Variants in TSPAN5 observed in about 807,000 individuals in gnomAD.
TSPAN5 encodes the protein tetraspanin-5.
A neutral mutation model predicts 37.1 loss-of-function variants in TSPAN5; 10 were observed. The ratio of observed to expected loss-of-function variants is 0.27; its 90% CI spans 0.17 to 0.46. The LOEUF (loss-of-function observed/expected upper bound fraction) is 0.46. TSPAN5 is among the 20% of genes least tolerant of loss of function. The probability of loss-of-function intolerance (pLI) is 1.00; values close to 1 mark genes in which losing one functional copy is unlikely to be tolerated. For missense variants in TSPAN5, 195 were observed against 326.6 expected (o/e 0.60, Z 3.11); for synonymous variants, 110 against 118.9 (o/e 0.93, Z 0.48).
chr4:98,560,077 G>A (rs1179869308), intron 1 of TSPAN5: 4 of 152,170 alleles, frequency 2.6e-5, no homozygotes, highest in African/African-American at 4.8e-5. Flanking sequence ...TATTTTGTTT[G>A]TCTCCAAGTA....
intron 7 of TSPAN5, among the ~76,000 whole-genome samples, chr4:98,473,325 C>G (rs1752626355): frequency 6.6e-6 from 1 of 152,234 alleles, no homozygotes; most frequent in East Asian, 1.9e-4. Flanking sequence ...TCTCCACATC[C>G]TTGCCGATAC....
At chr4:98,571,543 A>G (rs1029895158) in intron 1 of TSPAN5, among the ~76,000 whole-genome samples, 1 of 150,510 alleles carries the variant, frequency 6.6e-6, no homozygotes, top group Non-Finnish European at 1.5e-5. Context: ...CATTTTTATT[A>G]TACCATTCTG....
At chr4:98,534,686 GA>G (rs562314189) in intron 1 of TSPAN5, among the ~76,000 whole-genome samples, 116 of 152,318 alleles carry the variant, frequency 7.6e-4, no homozygotes, top group African/African-American at 2.5e-3. Flanking sequence ...CTTGCTTTAT[GA>G]ATCTGGGTGC....
chr4:98,505,407 T>G (rs1331852837), intron 2 of TSPAN5, among the ~76,000 whole-genome samples: 1 of 152,170 alleles, frequency 6.6e-6, no homozygotes, highest in Non-Finnish European at 1.5e-5. Context: ...TGTTGTTCCC[T>G]GGAGTCACCA....
chr4:98,550,623 T>G (rs1285400567), intron 1 of TSPAN5, among the ~76,000 whole-genome samples: 2 of 137,282 alleles, frequency 1.5e-5, no homozygotes, highest in African/African-American at 2.8e-5. Flanking sequence ...TTTTTTTTTT[T>G]TCTGGTAGCT....
At chr4:98,480,960 C>T (rs1436030153) in intron 4 of TSPAN5, among the ~76,000 whole-genome samples, 1 of 152,092 alleles carries the variant, frequency 6.6e-6, no homozygotes, top group African/African-American at 2.4e-5. Context: ...AGAGTGTCAA[C>T]ATGGCTGCTG....
At chr4:98,613,741 G>A (rs1156766146) in intron 1 of TSPAN5, among the ~76,000 whole-genome samples, 2 of 152,190 alleles carry the variant, frequency 1.3e-5, no homozygotes, top group African/African-American at 4.8e-5. Context: ...TCTCTCGGTG[G>A]TGGTTACAGC....
intron 1 of TSPAN5, among the ~76,000 whole-genome samples, chr4:98,640,440 A>C (rs1444026062): frequency 6.6e-6 from 1 of 152,234 alleles, no homozygotes; most frequent in Non-Finnish European, 1.5e-5. Flanking sequence ...ATTTTAAAAA[A>C]ACAAAACAAA....
chr4:98,472,517 G>A lies in TSPAN5; in HGVS notation c.*5C>T, dbSNP rs1295657548. ...CAGTGTCTTGCAGCAGCGGTTGCAG[G>A]GGGTCTACCAGCTCGCCCTGACAGC... On this transcript the variant is annotated 3_prime_UTR_variant, in exon 8 of 8. Coordinates refer to ENST00000305798, the MANE Select transcript of TSPAN5 (RefSeq NM_005723.4). 1.2e-6 allele frequency: 2 copies of A among 1,613,830 alleles called. No homozygotes were observed. Among genetic ancestry groups the A allele is most frequent in the African/African-American group, 2.7e-5 (2 of 74,986 alleles).
At chr4:98,499,385 C>A (rs1753289243) in intron 2 of TSPAN5, among the ~76,000 whole-genome samples, 1 of 152,188 alleles carries the variant, frequency 6.6e-6, no homozygotes, top group East Asian at 1.9e-4. Context: ...GTTTTATTAT[C>A]CAGCCCTGTC....
intron 1 of TSPAN5, among the ~76,000 whole-genome samples, chr4:98,620,686 G>C (rs992752444): frequency 6.6e-6 from 1 of 152,200 alleles, no homozygotes; most frequent in African/African-American, 2.4e-5. Context: ...TGGAAAGAGA[G>C]GGAGAAGCAG....
chr4:98,625,564 G>A (rs1306170502), intron 1 of TSPAN5, among the ~76,000 whole-genome samples: 2 of 152,174 alleles, frequency 1.3e-5, no homozygotes, highest in East Asian at 3.8e-4. Flanking sequence ...GGGCCAGAGG[G>A]CCAAACCCCT....
chr4:98,561,719 T>C (rs1754886691), intron 1 of TSPAN5, among the ~76,000 whole-genome samples: 1 of 152,200 alleles, frequency 6.6e-6, no homozygotes, highest in Non-Finnish European at 1.5e-5. Flanking sequence ...CTTGTGTGCT[T>C]TTCATTCAAT....
In TSPAN5 at chr4:98,549,391, C is replaced by A. The variant is rs1431753858; in HGVS notation, c.82-41663G>T. On this transcript the variant is annotated intron_variant, in intron 1 of 7. Coordinates refer to ENST00000305798, the MANE Select transcript of TSPAN5 (RefSeq NM_005723.4). ...GATTTCGGCTCACTGCAACCTCTGCCTCTCGGGTTTAAGCAATTCTCCTGC... is the reference window on the plus strand; with the variant it reads ...GATTTCGGCTCACTGCAACCTCTGCATCTCGGGTTTAAGCAATTCTCCTGC... Among the ~76,000 whole-genome samples the A allele has an allele frequency of 8.6e-5, 13 of 151,872 alleles. No homozygotes were observed. In the East Asian group the frequency reaches 2.5e-3, roughly 29 times the overall value.
chr4:98,543,394 T>C (rs769060459), intron 1 of TSPAN5, among the ~76,000 whole-genome samples: 2 of 150,124 alleles, frequency 1.3e-5, no homozygotes, highest in Non-Finnish European at 2.9e-5. Context: ...CATAAATACA[T>C]ACATAACAAT....
intron 1 of TSPAN5, among the ~76,000 whole-genome samples, chr4:98,626,575 C>T (rs1417537698): frequency 6.6e-6 from 1 of 152,070 alleles, no homozygotes. Context: ...CAGACCGCCT[C>T]CTCCTCACCC....
At chr4:98,507,545 C>G in intron 2 of TSPAN5, 133 bp downstream of exon 2, 1 of 574,006 alleles carries the variant, frequency 1.7e-6, no homozygotes, top group East Asian at 3.0e-5. Context: ...CATTAATCTT[C>G]CACCAACACT....
intron 1 of TSPAN5, among the ~76,000 whole-genome samples, chr4:98,508,871 A>T (rs943282856): frequency 6.6e-6 from 1 of 152,136 alleles, no homozygotes; most frequent in Non-Finnish European, 1.5e-5. Context: ...CATCTGCTAT[A>T]AGATACATAT....
At chr4:98,582,740 A>G (rs1316700766) in intron 1 of TSPAN5, among the ~76,000 whole-genome samples, 8 of 152,204 alleles carry the variant, frequency 5.3e-5, no homozygotes, top group Non-Finnish European at 1.2e-4. Flanking sequence ...TCATACACTA[A>G]GTTCTTCCTC....
Sources: allele counts gnomAD v4.1 joint callset (sites outside exome capture counted in the v4.1 genomes callset), GRCh38; gene constraint gnomAD v4.1.1; transcripts MANE v1.5; gene names NCBI Gene and HGNC (gene_info 2026-07-23, HGNC 2026-07-21).